Variants in FOXP1 observed in about 807,000 individuals in gnomAD.
FOXP1 encodes forkhead box P1.
Under a neutral mutation model 98.2 loss-of-function variants are expected in FOXP1, and 15 were observed. The observed-to-expected ratio is 0.15, with a 90% CI of 0.10 to 0.24. FOXP1 has a LOEUF of 0.24. FOXP1 is among the 10% of genes least tolerant of loss of function. The pLI, the probability that FOXP1 is intolerant of heterozygous loss-of-function variation, is 1.00. For missense variants in FOXP1, 633 were observed against 848.5 expected, an observed-to-expected ratio of 0.75 and a Z score of 3.15; for synonymous variants, 371 against 314.5, an observed-to-expected ratio of 1.18 and a Z score of -1.90.
In FOXP1 at chr3:70,965,900, T is replaced by C. The variant is rs754932182; in HGVS notation, c.1879A>G (p.Met627Val). The C allele has an allele frequency of 2.7e-5, 44 of 1,613,880 alleles. No homozygotes were observed. The highest frequency in any genetic ancestry group is 3.4e-5 in the Non-Finnish European group (40 of 1,180,012). Residue 627 changes from methionine to valine, a missense_variant, in exon 20 of 21, where the codon ATG becomes GTG. Physicochemically the swap from Met to Val is conservative, Grantham distance 21. Around this residue, in one of 6 missense-constraint regions of FOXP1, gnomAD observed 150 missense variants for 163.7 expected, o/e 0.92. Coordinates refer to ENST00000649528, the MANE Select transcript of FOXP1 (RefSeq NM_001349338.3). ...ESDSSPGRSP[M>V]QAVHPVHVKE... is the part of the protein sequence containing the mutation. ...GTGGACAATACTCACACGGCTTGCA[T>C]AGGAGATCTGCCTGGACTGCTGTCA...
chr3:71,227,580 C>A (rs1442928133), intron 5 of FOXP1, among the ~76,000 whole-genome samples: 1 of 152,092 alleles, frequency 6.6e-6, no homozygotes, highest in Non-Finnish European at 1.5e-5. Flanking sequence ...ATCTTACAGT[C>A]TGACTTGTCA....
chr3:71,256,740 ACTCTTAGT>A (rs1211537442), intron 5 of FOXP1, among the ~76,000 whole-genome samples: 2 of 151,978 alleles, frequency 1.3e-5, no homozygotes, highest in Non-Finnish European at 2.9e-5. Context: ...GTAGGCTGGG[ACTCTTAGT>A]CAAGATCCCC....
intron 2 of FOXP1, among the ~76,000 whole-genome samples, chr3:71,507,331 C>T (rs2041899945): frequency 6.6e-6 from 1 of 151,856 alleles, no homozygotes; most frequent in Non-Finnish European, 1.5e-5. Flanking sequence ...GGAATGCATG[C>T]TTTTAACAAA....
intron 2 of FOXP1, among the ~76,000 whole-genome samples, chr3:71,495,042 C>T (rs537802203): frequency 1.3e-5 from 2 of 152,324 alleles, no homozygotes; most frequent in East Asian, 3.9e-4. Context: ...CATAATCTGG[C>T]CACTTTCTAC....
At chr3:71,084,233 T>C (rs2054767903) in intron 7 of FOXP1, among the ~76,000 whole-genome samples, 1 of 152,200 alleles carries the variant, frequency 6.6e-6, no homozygotes, top group South Asian at 2.1e-4. Context: ...TGGGAATTTC[T>C]TCAAGACATT....
chr3:71,557,810 AT>A (rs1559528212), intron 2 of FOXP1, among the ~76,000 whole-genome samples: 1 of 151,490 alleles, frequency 6.6e-6, no homozygotes, highest in African/African-American at 2.4e-5. Flanking sequence ...TGTATTTTTT[AT>A]TTTTGTTTGT....
intron 2 of FOXP1, among the ~76,000 whole-genome samples, chr3:71,568,578 A>G (rs1290535724): frequency 6.6e-6 from 1 of 152,060 alleles, no homozygotes; most frequent in Non-Finnish European, 1.5e-5. Flanking sequence ...AGGGACCCCA[A>G]ATTTTAATTT....
intron 4 of FOXP1, among the ~76,000 whole-genome samples, chr3:71,328,515 A>G (rs187661550): frequency 5.5e-4 from 84 of 152,320 alleles, no homozygotes; most frequent in African/African-American, 1.9e-3. Flanking sequence ...CATGCCTCAG[A>G]GGAACACAAT....
intron 11 of FOXP1, among the ~76,000 whole-genome samples, chr3:71,028,760 G>T (rs1274905175): frequency 6.6e-6 from 1 of 152,176 alleles, no homozygotes. Context: ...CCCTAACGTA[G>T]AATCAGTTGG....
chr3:71,292,416 C>T (rs2072853548), intron 5 of FOXP1: 1 of 152,208 alleles, frequency 6.6e-6, no homozygotes, highest in African/African-American at 2.4e-5. Context: ...ATCACTGTAA[C>T]CTCTGCCTCC....
chr3:71,479,685 A>G (rs2090121742), intron 3 of FOXP1, among the ~76,000 whole-genome samples: 1 of 151,684 alleles, frequency 6.6e-6, no homozygotes, highest in African/African-American at 2.4e-5. Flanking sequence ...ATCTCAAAAA[A>G]AAAAAAAAGA....
chr3:71,348,518 T>TGTGC (rs1553853149), intron 4 of FOXP1, among the ~76,000 whole-genome samples: 2 of 30,758 alleles, frequency 6.5e-5, no homozygotes, highest in South Asian at 1.2e-3. Flanking sequence ...TGTGTGTGTG[T>TGTGC]GTGCGTGTGT....
chr3:71,499,304 A>G (rs2041152498), intron 2 of FOXP1, among the ~76,000 whole-genome samples: 1 of 152,162 alleles, frequency 6.6e-6, no homozygotes, highest in Non-Finnish European at 1.5e-5. Context: ...ACTAAAAGCC[A>G]TCTATTTCCA....
chr3:71,417,437 G>C (rs1464734807), intron 3 of FOXP1, among the ~76,000 whole-genome samples: 1 of 152,158 alleles, frequency 6.6e-6, no homozygotes, highest in Admixed American at 6.5e-5. Flanking sequence ...TCCTAAAAAT[G>C]AGCACTGGGC....
chr3:71,480,355 TAC>T (rs1005127313), intron 3 of FOXP1, among the ~76,000 whole-genome samples: 1 of 152,216 alleles, frequency 6.6e-6, no homozygotes, highest in Non-Finnish European at 1.5e-5. Flanking sequence ...CCTTTACTTC[TAC>T]ACAGTTACCT....
chr3:71,353,863 T>C (rs2077965075), intron 4 of FOXP1, among the ~76,000 whole-genome samples: 1 of 152,190 alleles, frequency 6.6e-6, no homozygotes, highest in African/African-American at 2.4e-5. Context: ...ATAGATCATC[T>C]TCTTCAAGCA....
intron 2 of FOXP1, among the ~76,000 whole-genome samples, chr3:71,529,317 A>T (rs2043641569): frequency 6.6e-6 from 1 of 152,254 alleles, no homozygotes; most frequent in African/African-American, 2.4e-5. Context: ...CTAGTGTGTT[A>T]TCTTACCCAA....
At chr3:71,268,583 G>T (rs1460861658) in intron 5 of FOXP1, among the ~76,000 whole-genome samples, 1 of 152,172 alleles carries the variant, frequency 6.6e-6, no homozygotes, top group Non-Finnish European at 1.5e-5. Flanking sequence ...TTTGCTTGGA[G>T]ACACATCATG....
intron 3 of FOXP1, among the ~76,000 whole-genome samples, chr3:71,368,084 C>G (rs1577161182): frequency 6.6e-6 from 1 of 152,278 alleles, no homozygotes; most frequent in East Asian, 1.9e-4. Flanking sequence ...CAGAGGAAGA[C>G]AGGCTCTTAG....
Sources: allele counts gnomAD v4.1 joint callset (sites outside exome capture counted in the v4.1 genomes callset), GRCh38; gene constraint gnomAD v4.1.1; regional missense constraint gnomAD v4.1.1; transcripts MANE v1.5; gene names NCBI Gene and HGNC (gene_info 2026-07-23, HGNC 2026-07-21).